ADCY3: variants seen among roughly 807,000 people sequenced by gnomAD.
ADCY3 encodes adenylate cyclase type 3.
A neutral mutation model predicts 119.4 loss-of-function variants in ADCY3; 70 were observed. The observed-to-expected ratio is 0.59, with a 90% CI of 0.48 to 0.72. The LOEUF (loss-of-function observed/expected upper bound fraction) is 0.72. ADCY3 is among the 30% of genes least tolerant of loss of function. ADCY3 has a pLI of 0.00. For missense variants in ADCY3, 1,238 were observed against 1,541.6 expected, an observed-to-expected ratio of 0.80 and a Z score of 3.30; for synonymous variants, 672 against 621.4, an observed-to-expected ratio of 1.08 and a Z score of -1.21.
At position 24,834,103 on chromosome 2, in the gene ADCY3, G is replaced by C. The variant is rs1230457026; in HGVS notation, c.1967+382C>G. 6.6e-6 allele frequency among the ~76,000 whole-genome samples: 1 copy of C among 152,194 alleles called. No individual in the cohort carries two copies. The highest frequency in any genetic ancestry group is 1.5e-5 in the Non-Finnish European group (1 of 68,018). On this transcript the variant is annotated intron_variant, in intron 11 of 21. Coordinates refer to ENST00000679454, the MANE Select transcript of ADCY3 (RefSeq NM_004036.5). This position sits in a 1 kb window ranked among gnomAD's most constrained non-coding sequence, Gnocchi z 4.2. ...ACAGCCTAAAATCTATCTTTACCAA[G>C]ATGAGCCAAGAGAGGGGCCAGGTCA...
chr2:24,855,490 G>C (rs1002085479), intron 3 of ADCY3, among the ~76,000 whole-genome samples: 5 of 152,186 alleles, frequency 3.3e-5, no homozygotes, highest in African/African-American at 1.2e-4. Context: ...CCAAACCCTG[G>C]GGGCCGAGGC....
chr2:24,896,503 CTT>C (rs1478324228), intron 2 of ADCY3, among the ~76,000 whole-genome samples: 1 of 151,666 alleles, frequency 6.6e-6, no homozygotes, highest in Admixed American at 6.6e-5. Context: ...ACATTTCCTT[CTT>C]TGTCTAGTAA....
At chr2:24,903,242 TGA>T (rs1422666279) in intron 2 of ADCY3, among the ~76,000 whole-genome samples, 11 of 152,142 alleles carry the variant, frequency 7.2e-5, no homozygotes, top group Non-Finnish European at 1.3e-4. Context: ...AACTGTATGC[TGA>T]AGCCATCTTT....
At chr2:24,826,815 A>G (rs1014666168) in intron 15 of ADCY3, 1 of 152,482 alleles carries the variant, frequency 6.6e-6, no homozygotes, top group African/African-American at 2.4e-5. Context: ...TTGCTGGGAC[A>G]CAGGTTTATT....
intron 2 of ADCY3, among the ~76,000 whole-genome samples, chr2:24,905,033 C>G (rs541979383): frequency 6.6e-6 from 1 of 152,222 alleles, no homozygotes; most frequent in Admixed American, 6.5e-5. Flanking sequence ...AAAGCCCTGT[C>G]CAGCAAGCAA....
chr2:24,907,631 G>A (rs1357375202), intron 2 of ADCY3, among the ~76,000 whole-genome samples: 2 of 152,122 alleles, frequency 1.3e-5, no homozygotes, highest in East Asian at 1.9e-4. Context: ...AAAGGAGAGA[G>A]GGGATGGGCC....
intron 11 of ADCY3, chr2:24,832,205 G>A (rs935967345): frequency 8.0e-5 from 13 of 162,676 alleles, no homozygotes; most frequent in Admixed American, 1.8e-4. Flanking sequence ...GAGACGGGCC[G>A]CCAGCTGAGT....
intron 11 of ADCY3, among the ~76,000 whole-genome samples, chr2:24,833,553 T>TA (rs1669889519): frequency 1.3e-5 from 2 of 152,252 alleles, no homozygotes; most frequent in South Asian, 2.1e-4. Context: ...CTGCAGTACT[T>TA]ACTCTCGCAT....
intron 3 of ADCY3, among the ~76,000 whole-genome samples, chr2:24,852,779 A>T (rs1377938087): frequency 1.3e-5 from 2 of 152,212 alleles, no homozygotes; most frequent in African/African-American, 2.4e-5. Flanking sequence ...CGTCACTGCC[A>T]CACAGAGTGG....
chr2:24,869,508 C>T (rs1674708111), intron 3 of ADCY3, among the ~76,000 whole-genome samples: 3 of 152,092 alleles, frequency 2.0e-5, no homozygotes, highest in Non-Finnish European at 4.4e-5. Context: ...TGGGCTCAAG[C>T]GATCCTCCCA....
At chr2:24,820,963 T>C in intron 20 of ADCY3, 115 bp from the exon 21 acceptor site, 4 of 1,439,596 alleles carry the variant, frequency 2.8e-6, no homozygotes, top group Non-Finnish European at 3.8e-6. Context: ...CACATCATTG[T>C]CCTCATTCAA....
At chr2:24,871,905 G>A (rs564046939) in intron 3 of ADCY3, among the ~76,000 whole-genome samples, 5 of 152,342 alleles carry the variant, frequency 3.3e-5, no homozygotes, top group Admixed American at 2.0e-4. Flanking sequence ...CCAGGAAACC[G>A]AGGCAGGGAC....
intron 2 of ADCY3, among the ~76,000 whole-genome samples, chr2:24,912,550 CAT>C (rs1491527891): frequency 1.7e-4 from 25 of 145,468 alleles, no homozygotes; most frequent in African/African-American, 4.8e-4. Flanking sequence ...AGTGAGCACG[CAT>C]GTGTGTGTGT....
chr2:24,820,615 A>G, intron 21 of ADCY3, 109 bp downstream of exon 21: 6 of 1,540,402 alleles, frequency 3.9e-6, no homozygotes, highest in Middle Eastern at 1.7e-4. Context: ...CTGCCTCTGG[A>G]CTTACTGTTC....
intron 2 of ADCY3, among the ~76,000 whole-genome samples, chr2:24,913,243 G>A (rs1664016989): frequency 6.6e-6 from 1 of 152,174 alleles, no homozygotes; most frequent in African/African-American, 2.4e-5. Context: ...ACCAGCTCCT[G>A]TCCCGATTCA....
At chr2:24,910,445 G>A (rs1663448027) in intron 2 of ADCY3, among the ~76,000 whole-genome samples, 1 of 152,074 alleles carries the variant, frequency 6.6e-6, no homozygotes, top group Admixed American at 6.6e-5. Context: ...AAATTTTGGG[G>A]CTGTTTGTTA....
chr2:24,841,679 A>G lies in ADCY3; in HGVS notation c.957-12T>C, dbSNP rs779095580. 6 of 1,609,460 alleles carry G rather than the reference A, an allele frequency of 3.7e-6. No homozygotes were observed. The South Asian group carries it at 6.6e-5, about 18-fold the overall frequency. On this transcript the variant is annotated splice_polypyrimidine_tract_variant and intron_variant, in intron 4 of 21. Coordinates refer to ENST00000679454, the MANE Select transcript of ADCY3 (RefSeq NM_004036.5). This position sits in a 1 kb window ranked among gnomAD's most constrained non-coding sequence, Gnocchi z 5.8. ...CGGCAAAGAGGATGCTGCATGAGGA[A>G]GGAACCGTGGGGGTGACGCTCCAGG... is the stretch of plus-strand genomic sequence containing the variant.
intron 3 of ADCY3, among the ~76,000 whole-genome samples, chr2:24,844,813 G>A (rs558221648): frequency 1.6e-4 from 24 of 152,190 alleles, no homozygotes; most frequent in Non-Finnish European, 2.6e-4. Flanking sequence ...GTGGTTTTGC[G>A]CTTTGATATG....
intron 3 of ADCY3, among the ~76,000 whole-genome samples, chr2:24,870,394 A>T (rs918416775): frequency 6.6e-6 from 1 of 152,082 alleles, no homozygotes; most frequent in Non-Finnish European, 1.5e-5. Context: ...TGAAGTCCAA[A>T]GAGGGGCAGC....
Sources: gnomAD v4.1 joint callset for allele counts (sites outside exome capture counted in the v4.1 genomes callset) on GRCh38, gnomAD v4.1.1 for gene constraint, Gnocchi (gnomAD v3.1) non-coding constraint, MANE v1.5 for transcripts, NCBI Gene and HGNC (gene_info 2026-07-23, HGNC 2026-07-21) for gene names.